UNKL: variants seen among roughly 807,000 people sequenced by gnomAD.
UNKL encodes the protein unk like zinc finger, also known as putative E3 ubiquitin-protein ligase UNKL.
A neutral mutation model predicts 78.0 loss-of-function variants in UNKL; 60 were observed. The observed-to-expected ratio is 0.77, with a 90% CI of 0.63 to 0.95. The LOEUF (loss-of-function observed/expected upper bound fraction) is 0.95, where lower values mean the gene tolerates loss of function less well. Ranked by LOEUF, UNKL falls within the 40% of genes least tolerant of loss-of-function variation. UNKL has a pLI of 0.00. For synonymous variants in UNKL, 608 were observed against 474.8 expected (o/e 1.28, Z -3.65); for missense variants, 1,159 against 1,045.7 (o/e 1.11, Z -1.49).
At chr16:1,411,826 A>G (rs1212236973) in intron 2 of UNKL, 1 of 152,288 alleles carries the variant, frequency 6.6e-6, no homozygotes, top group East Asian at 1.9e-4. Context: ...GTCTCAAAAC[A>G]AAAACAAAAC....
At chr16:1,378,621 G>A (rs1047481768) in intron 10 of UNKL, among the ~76,000 whole-genome samples, 1 of 152,116 alleles carries the variant, frequency 6.6e-6, no homozygotes, top group Non-Finnish European at 1.5e-5. Flanking sequence ...ACTACGGCTC[G>A]CACTCAACTC....
rs550661555 is a variant in UNKL at position 1,406,834 on chromosome 16, T to C, written c.288-3490A>G. 5.3e-5 allele frequency among the ~76,000 whole-genome samples: 8 copies of C among 152,148 alleles called. No homozygotes were observed. In the South Asian group the frequency reaches 1.0e-3, roughly 20 times the overall value. ...AAATTAAATATTGCAAGAGGATCTT[T>C]TAATAGAAAGATCAGACTCCTGGCC... On this transcript the variant is annotated intron_variant, in intron 2 of 14. Transcript: ENST00000389221.
rs759546432 is a variant in UNKL at position 1,366,422 on chromosome 16, C to T, written c.2047-27G>A. 1.1e-5 allele frequency: 17 copies of T among 1,550,850 alleles called. No homozygotes were observed. The East Asian group carries it at 4.0e-4, about 36-fold the overall frequency. On this transcript the variant is annotated intron_variant, in intron 14 of 14. Transcript: ENST00000389221. ...TGCAGGGCCAGAACAATGACGGGCTCAGGAGGCCCCTGCCCAGGCTGGGCC... is the reference window on the plus strand; with the variant it reads ...TGCAGGGCCAGAACAATGACGGGCTTAGGAGGCCCCTGCCCAGGCTGGGCC...
intron 2 of UNKL, chr16:1,412,199 CCT>C (rs2038071647): frequency 6.6e-6 from 1 of 152,200 alleles, no homozygotes; most frequent in Non-Finnish European, 1.5e-5. Flanking sequence ...TTGTATTTTC[CCT>C]GTTTTCCCAT....
intron 12 of UNKL, among the ~76,000 whole-genome samples, chr16:1,369,615 T>A (rs908897995): frequency 6.6e-6 from 1 of 152,056 alleles, no homozygotes; most frequent in African/African-American, 2.4e-5. Context: ...GTGATCCGCC[T>A]GCCTCAGCCT....
In UNKL at chr16:1,363,695, G is replaced by A. The variant is rs56026628; in HGVS notation, c.*2545C>T. The A allele has an allele frequency of 8.6e-3, 1,455 of 168,960 alleles. 24 individuals are homozygous for A. The highest frequency in any genetic ancestry group is 0.032 in the African/African-American group (1,345 of 41,702). 10.5% of individuals were successfully genotyped at this position (168,960 alleles called of 1,614,324 possible). ...TCAGCCACCTAGGAGCCATCCCTGA[G>A]GCCATGGCCACCAAGACAGGTGAGG... On this transcript the variant is annotated 3_prime_UTR_variant, in exon 15 of 15. Coordinates refer to ENST00000389221, the MANE Select transcript of UNKL (RefSeq NM_001372107.1).
intron 3 of UNKL, 33 bp from the exon 4 acceptor site, chr16:1,401,734 G>A (rs776152703): frequency 1.4e-5 from 22 of 1,583,578 alleles, no homozygotes; most frequent in Non-Finnish European, 1.3e-5. Context: ...TCACAGCTCT[G>A]CATCTGGAGC....
intron 10 of UNKL, among the ~76,000 whole-genome samples, chr16:1,376,270 A>C (rs1458296307): frequency 1.6e-5 from 2 of 124,362 alleles, no homozygotes; most frequent in Admixed American, 1.7e-4. Context: ...CCCTCTCTCC[A>C]GGGCTGGGGC....
intron 6 of UNKL, among the ~76,000 whole-genome samples, chr16:1,395,376 G>C (rs2037217871): frequency 6.6e-6 from 1 of 152,102 alleles, no homozygotes; most frequent in Non-Finnish European, 1.5e-5. Context: ...ATGTTGGCCA[G>C]GCTGGTCTCG....
rs1372920993 is a variant in UNKL at position 1,387,611 on chromosome 16, G to C, written c.1087-2226C>G. On this transcript the variant is annotated intron_variant, in intron 9 of 14. Coordinates refer to ENST00000389221, the MANE Select transcript of UNKL (RefSeq NM_001372107.1). This position sits in a 1 kb window ranked among gnomAD's most constrained non-coding sequence, Gnocchi z 4.1. ...GGCTGAGGAGGCAGGCACCAGCAAGGGGTGAGTGACGTGGGGCGGTCTGCT... is the reference window on the plus strand; with the variant it reads ...GGCTGAGGAGGCAGGCACCAGCAAGCGGTGAGTGACGTGGGGCGGTCTGCT... Among the ~76,000 whole-genome samples the C allele has an allele frequency of 6.6e-6, 1 of 152,164 alleles. No homozygotes were observed.
chr16:1,382,348 G>C (rs2036634161), intron 10 of UNKL, among the ~76,000 whole-genome samples: 1 of 152,200 alleles, frequency 6.6e-6, no homozygotes, highest in Non-Finnish European at 1.5e-5. Context: ...AACCAGGTGA[G>C]CCCTCCATGG....
chr16:1,401,694 G>A lies in UNKL; in HGVS notation c.472C>T (p.Gln158Ter). ...CCGTTCTGCAAGGCTTCCTGGGCCTGCAGCTCCCTGCAAGCCGAGGACACA... is the reference window on the plus strand; with the variant it reads ...CCGTTCTGCAAGGCTTCCTGGGCCTACAGCTCCCTGCAAGCCGAGGACACA... ...RPPVCDVREL[Q>*]AQEALQNGQL... is the part of the protein sequence containing the mutation. Residue 158 changes from glutamine to a stop codon, truncating the protein, a stop_gained, in exon 4 of 15, where the codon CAG becomes TAG. Transcript: ENST00000389221. LOFTEE classifies it high-confidence loss of function. 6.2e-7 allele frequency: 1 copy of A among 1,609,082 alleles called. No individual in the cohort carries two copies. The highest frequency in any genetic ancestry group is 8.5e-7 in the Non-Finnish European group (1 of 1,178,478).
At position 1,367,746 on chromosome 16, in the gene UNKL, G is replaced by GT; in HGVS notation, c.1697dup (p.Asn566LysfsTer4). On this transcript the variant is annotated frameshift_variant, in exon 13 of 15. Transcript: ENST00000389221. LOFTEE classifies it high-confidence loss of function. ...GCCTGACCCGGGCCAGCTCAGCTCCGTTTGGACTTGCACTCGAAGAGGATG... is the reference window on the plus strand; with the variant it reads ...GCCTGACCCGGGCCAGCTCAGCTCCGTTTTGGACTTGCACTCGAAGAGGATG... 1 of 1,576,508 alleles carries GT rather than the reference G, an allele frequency of 6.3e-7. No individual in the cohort carries two copies. Among genetic ancestry groups the GT allele is most frequent in the Non-Finnish European group, 8.6e-7 (1 of 1,161,900 alleles).
rs1478673772 is a variant in UNKL, at chr16:1,366,391, A to T, written c.2051T>A (p.Ile684Asn). 1.3e-6 allele frequency: 2 copies of T among 1,589,242 alleles called. No homozygotes were observed. The highest frequency in any genetic ancestry group is 1.7e-6 in the Non-Finnish European group (2 of 1,164,906). Residue 684 changes from isoleucine (I) to asparagine (N), a missense_variant, in exon 15 of 15, where the codon ATC (isoleucine) becomes AAC (asparagine). Coordinates refer to ENST00000389221, the MANE Select transcript of UNKL (RefSeq NM_001372107.1). Reference protein sequence around the residue: ...RLDLEAVDGVIFQLRAKQCVA... With the variant: ...RLDLEAVDGVNFQLRAKQCVA... ...ACACTGCTTGGCGCGGAGCTGGAAG[A>T]TCACCTGCAGGGCCAGAACAATGAC...
intron 12 of UNKL, among the ~76,000 whole-genome samples, chr16:1,369,720 G>A (rs1326687060): frequency 6.6e-6 from 1 of 152,194 alleles, no homozygotes. Flanking sequence ...GTGGCTCACT[G>A]TCATCCCACA....
At chr16:1,401,359 A>G (rs2037516079) in intron 4 of UNKL, 3 of 496,364 alleles carry the variant, frequency 6.0e-6, no homozygotes, top group Non-Finnish European at 9.8e-6. Flanking sequence ...GATTCAGAGC[A>G]GGTGCGGGGG....
At chr16:1,388,301 G>A (rs546159255) in intron 9 of UNKL, among the ~76,000 whole-genome samples, 26 of 152,242 alleles carry the variant, frequency 1.7e-4, no homozygotes, top group Admixed American at 6.5e-4. Flanking sequence ...GGCTGGGCAC[G>A]GGCTGACCCT....
chr16:1,406,788 C>T (rs1345366355), intron 2 of UNKL, among the ~76,000 whole-genome samples: 1 of 152,050 alleles, frequency 6.6e-6, no homozygotes, highest in Non-Finnish European at 1.5e-5. Context: ...CGCCTTAGGT[C>T]CTAAGGCATT....
At chr16:1,371,121 G>A (rs2035796530) in intron 11 of UNKL, among the ~76,000 whole-genome samples, 1 of 150,848 alleles carries the variant, frequency 6.6e-6, no homozygotes, top group African/African-American at 2.4e-5. Context: ...TTGTATGGAT[G>A]TCAATCTTTT....
Sources: gnomAD v4.1 joint callset for allele counts (sites outside exome capture counted in the v4.1 genomes callset) on GRCh38, gnomAD v4.1.1 for gene constraint, Gnocchi (gnomAD v3.1) non-coding constraint, MANE v1.5 for transcripts, NCBI Gene and HGNC (gene_info 2026-07-23, HGNC 2026-07-21) for gene names.